Variants in CPB1 observed in about 807,000 individuals in gnomAD.
The protein encoded by CPB1 is carboxypeptidase B.
A neutral mutation model predicts 51.4 loss-of-function variants in CPB1; 53 were observed. That is an observed-to-expected ratio of 1.03 (90% CI 0.83 to 1.30). CPB1 has a LOEUF of 1.30. Ranked by LOEUF, CPB1 falls within the 50% of genes most tolerant of loss-of-function variation. The probability of loss-of-function intolerance (pLI) is 0.00; values close to 1 mark genes in which losing one functional copy is unlikely to be tolerated. For synonymous variants in CPB1, 189 were observed against 186.9 expected (o/e 1.01, Z -0.09); for missense variants, 494 against 516.2 (o/e 0.96, Z 0.42).
chr3:148,860,039 T>C lies in CPB1; in HGVS notation c.*37T>C. ...GATGGCCTTGTTTCAAAATTCTCAT[T>C]TTTCATTTCTTTTCTTTCTTGAATT... On this transcript the variant is annotated 3_prime_UTR_variant, in exon 11 of 11. Transcript: ENST00000282957. The C allele has an allele frequency of 6.4e-7, 1 of 1,565,232 alleles. No individual in the cohort carries two copies. Among genetic ancestry groups the C allele is most frequent in the Non-Finnish European group, 8.7e-7 (1 of 1,150,144 alleles).
chr3:148,850,746 A>G lies in CPB1; in HGVS notation c.981+5120A>G, dbSNP rs73866674. Among the ~76,000 whole-genome samples the G allele has an allele frequency of 8.2e-3, 1,252 of 152,286 alleles. 17 individuals are homozygous for G. The highest frequency in any genetic ancestry group is 0.04 in the East Asian group (209 of 5,178). ...CAGACAGTTGCAGGGCCATGCACAC[A>G]CCCATGCACATCACTCATCACAGCT... On this transcript the variant is annotated intron_variant, in intron 9 of 10. Transcript: ENST00000282957.
Position 148,840,881 on chromosome 3 carries a change from C to T in CPB1, c.380C>T (p.Ala127Val). The T allele has an allele frequency of 6.2e-7, 1 of 1,614,120 alleles. No homozygotes were observed. Among genetic ancestry groups the T allele is most frequent in the South Asian group, 1.1e-5 (1 of 91,078 alleles). Residue 127 changes from alanine (A) to valine (V), a missense_variant, in exon 5 of 11, where the codon GCT (alanine) becomes GTT (valine). Transcript: ENST00000282957. ...AATGATTCCATTTGGTAGATAGAGG[C>T]TTGGACTCAACAAGTCGCCACTGAG... ...EKYNKWETIEAWTQQVATENP... is the reference protein window; with the variant it reads ...EKYNKWETIEVWTQQVATENP...
In CPB1 at chr3:148,859,853, C is replaced by G; in HGVS notation, c.1105C>G (p.Gln369Glu). 1 of 1,613,970 alleles carries G rather than the reference C, an allele frequency of 6.2e-7. No homozygotes were observed. ...GGGCTCTGACGACTGGGCTTATGAC[C>G]AAGGAATCAGATATTCCTTCACCTT... The part of the protein sequence containing the change: ...AGGSDDWAYD[Q>E]GIRYSFTFEL... The change falls in exon 11 of 11, where the codon CAA (glutamine) becomes GAA (glutamate). Residue 369 changes from glutamine (Q) to glutamate (E), a missense_variant. By Grantham distance (29) the Gln-to-Glu change is conservative. Transcript: ENST00000282957.
chr3:148,843,187 T>C (rs1492104), intron 6 of CPB1, among the ~76,000 whole-genome samples: 54,556 of 151,882 alleles, frequency 0.36, 9,782 homozygotes, highest in East Asian at 0.53. Context: ...AAGTCTACAG[T>C]TTAGTTTATA....
intron 3 of CPB1, among the ~76,000 whole-genome samples, chr3:148,839,124 A>G (rs1019477029): frequency 2.6e-5 from 4 of 152,208 alleles, no homozygotes; most frequent in Admixed American, 1.3e-4. Context: ...TGTAATCATG[A>G]GTCTTTAAAG....
intron 6 of CPB1, among the ~76,000 whole-genome samples, chr3:148,842,903 T>C (rs999620247): frequency 6.6e-6 from 1 of 152,236 alleles, no homozygotes; most frequent in Non-Finnish European, 1.5e-5. Flanking sequence ...ACCTTTGTGA[T>C]ATTCTTCCTT....
intron 3 of CPB1, among the ~76,000 whole-genome samples, chr3:148,836,663 T>C (rs946592324): frequency 6.6e-6 from 1 of 152,216 alleles, no homozygotes; most frequent in Non-Finnish European, 1.5e-5. Flanking sequence ...GGCTAAGAGC[T>C]TGTTAATTTT....
chr3:148,855,785 G>A (rs1465083071), intron 9 of CPB1: 1 of 152,182 alleles, frequency 6.6e-6, no homozygotes, highest in African/African-American at 2.4e-5. Flanking sequence ...GAAGGAATAA[G>A]AATTCTTTAA....
chr3:148,828,121 TA>T (rs753027734), intron 2 of CPB1, 44 bp downstream of exon 2: 83 of 1,426,316 alleles, frequency 5.8e-5, no homozygotes, highest in Non-Finnish European at 7.7e-5. Flanking sequence ...TTTAAAATCT[TA>T]GATCGCACTG....
At chr3:148,847,683 T>G (rs930636973) in intron 9 of CPB1, among the ~76,000 whole-genome samples, 3 of 152,122 alleles carry the variant, frequency 2.0e-5, no homozygotes, top group African/African-American at 7.2e-5. Flanking sequence ...GTAGAGTAAG[T>G]AGAATTCTAC....
In CPB1 at chr3:148,857,525, G is replaced by T. The variant is rs764246582; in HGVS notation, c.1050G>T (p.Pro350=). 16 of 1,613,412 alleles carry T rather than the reference G, an allele frequency of 9.9e-6. No individual in the cohort carries two copies. The highest frequency in any genetic ancestry group is 1.4e-5 in the Non-Finnish European group (16 of 1,179,592). The change falls in exon 10 of 11, where the codon CCG becomes CCT. Residue 350 remains proline (P), a synonymous_variant. Transcript: ENST00000282957. ...SLHGTKYTYG[P]GATTIYPAAG... ...ACGGCACCAAGTACACATATGGCCCGGGAGCTACAACAATCTGTGAGTCTT... is the reference window on the plus strand; with the variant it reads ...ACGGCACCAAGTACACATATGGCCCTGGAGCTACAACAATCTGTGAGTCTT...
At chr3:148,841,729 C>T in intron 5 of CPB1, 94 bp from the exon 6 acceptor site, 1 of 867,794 alleles carries the variant, frequency 1.2e-6, no homozygotes, top group Non-Finnish European at 1.9e-6. Flanking sequence ...TCGGGTTTCA[C>T]TTGTTGAGTC....
At chr3:148,832,598 C>A (rs555741952) in intron 2 of CPB1, among the ~76,000 whole-genome samples, 18 of 152,282 alleles carry the variant, frequency 1.2e-4, no homozygotes, top group African/African-American at 4.1e-4. Context: ...GGCGGTAAAC[C>A]CACAGGGAAA....
chr3:148,846,797 G>GTGTGTGTGTGTGTGTATATATATA (rs1364486523), intron 9 of CPB1, among the ~76,000 whole-genome samples: 1 of 50,562 alleles, frequency 2.0e-5, no homozygotes, highest in Admixed American at 2.8e-4. Flanking sequence ...GTGTGCGTGT[G>GTGTGTGTGTGTGTGTATATATATA]TATATATATA....
At chr3:148,834,999 T>C (rs1453941417) in intron 3 of CPB1, among the ~76,000 whole-genome samples, 1 of 152,148 alleles carries the variant, frequency 6.6e-6, no homozygotes, top group African/African-American at 2.4e-5. Flanking sequence ...GCGAGACCTA[T>C]TGTGAGTTAT....
intron 6 of CPB1, among the ~76,000 whole-genome samples, chr3:148,843,415 C>T (rs748034697): frequency 1.3e-4 from 19 of 151,776 alleles, no homozygotes; most frequent in Non-Finnish European, 2.4e-4. Flanking sequence ...GAAGCACTTC[C>T]GTACATATTT....
chr3:148,845,292 A>G (rs1713203005), intron 8 of CPB1, 132 bp from the exon 9 acceptor site: 1 of 661,536 alleles, frequency 1.5e-6, no homozygotes, highest in African/African-American at 1.8e-5. Flanking sequence ...TAATATATAC[A>G]TAATAGGGAC....
chr3:148,857,148 C>A, intron 9 of CPB1: 1 of 153,674 alleles, frequency 6.5e-6, no homozygotes. Context: ...AACAGGTAAA[C>A]AACTTCTTTG....
chr3:148,837,046 G>A (rs945709186), intron 3 of CPB1, among the ~76,000 whole-genome samples: 2 of 152,138 alleles, frequency 1.3e-5, no homozygotes, highest in African/African-American at 2.4e-5. Flanking sequence ...AAAGATAACT[G>A]TAATTTTCAA....
Sources: allele counts gnomAD v4.1 joint callset (sites outside exome capture counted in the v4.1 genomes callset), GRCh38; gene constraint gnomAD v4.1.1; transcripts MANE v1.5; gene names NCBI Gene and HGNC (gene_info 2026-07-23, HGNC 2026-07-21).